Variants in CDH4 observed in about 807,000 individuals in gnomAD.
CDH4 encodes cadherin-4.
In CDH4, 33 loss-of-function variants were observed where a neutral mutation model predicts 86.0. That is an observed-to-expected ratio of 0.38 (90% CI 0.29 to 0.51). The LOEUF is 0.51. Ranked by LOEUF, CDH4 falls within the 20% of genes least tolerant of loss-of-function variation. CDH4 has a pLI of 0.86. For synonymous variants in CDH4, 555 were observed against 549.4 expected, an observed-to-expected ratio of 1.01 and a Z score of -0.14; for missense variants, 1,114 against 1,307.4, an observed-to-expected ratio of 0.85 and a Z score of 2.28.
At chr20:61,740,055 G>T (rs1437588467) in intron 2 of CDH4, among the ~76,000 whole-genome samples, 7 of 152,204 alleles carry the variant, frequency 4.6e-5, no homozygotes, top group Non-Finnish European at 1.0e-4. Flanking sequence ...GACAGGCGAA[G>T]ACTCCAAAAA....
chr20:61,659,313 C>T (rs958894956), intron 2 of CDH4, among the ~76,000 whole-genome samples: 4 of 152,128 alleles, frequency 2.6e-5, no homozygotes, highest in Non-Finnish European at 4.4e-5. Flanking sequence ...TGATCCGCTA[C>T]GGAGAGAAAC....
At chr20:61,404,137 T>C (rs1430824002) in intron 2 of CDH4, among the ~76,000 whole-genome samples, 2 of 51,692 alleles carry the variant, frequency 3.9e-5, no homozygotes, top group African/African-American at 2.8e-4. Context: ...CTGGTGCAGC[T>C]GAGCTGCTAC....
At chr20:61,630,257 T>C (rs2086873587) in intron 2 of CDH4, among the ~76,000 whole-genome samples, 1 of 152,216 alleles carries the variant, frequency 6.6e-6, no homozygotes, top group Non-Finnish European at 1.5e-5. Flanking sequence ...CTAACACTTC[T>C]GTACTGTGAC....
chr20:61,501,833 C>T lies in CDH4; in HGVS notation c.170-241730C>T, dbSNP rs908386505. On this transcript the variant is annotated intron_variant, in intron 2 of 15. Transcript: ENST00000614565. This position sits in a 1 kb window ranked among gnomAD's most constrained non-coding sequence, Gnocchi z 4.2. The stretch of plus-strand genomic sequence containing the variant: ...TCTCTCCTTTCTAGGTAAGTGATTC[C>T]GGTGCTAACGCTGGACACGTGTGTC... Among the ~76,000 whole-genome samples, 1 of 152,146 alleles carries T rather than the reference C, an allele frequency of 6.6e-6. No individual in the cohort carries two copies. Among genetic ancestry groups the T allele is most frequent in the African/African-American group, 2.4e-5 (1 of 41,434 alleles).
chr20:61,255,833 T>C (rs573040552), intron 2 of CDH4, among the ~76,000 whole-genome samples: 31 of 152,342 alleles, frequency 2.0e-4, no homozygotes, highest in African/African-American at 3.1e-4. Context: ...CTCACGCTTA[T>C]AGTGAAGTGA....
intron 2 of CDH4, among the ~76,000 whole-genome samples, chr20:61,455,647 G>A (rs1302574127): frequency 6.6e-6 from 1 of 152,210 alleles, no homozygotes; most frequent in Non-Finnish European, 1.5e-5. Context: ...CATGCAGGGT[G>A]CATTCACTGC....
chr20:61,935,196 AAGG>A (rs2055168149), intron 15 of CDH4, among the ~76,000 whole-genome samples: 1 of 152,186 alleles, frequency 6.6e-6, no homozygotes, highest in Non-Finnish European at 1.5e-5. Context: ...CTGCATTTTA[AAGG>A]AGGTTTAGCA....
intron 2 of CDH4, among the ~76,000 whole-genome samples, chr20:61,536,871 C>A (rs534226632): frequency 2.0e-5 from 3 of 152,170 alleles, no homozygotes; most frequent in Non-Finnish European, 4.4e-5. Context: ...GTGTGTTCAG[C>A]GCAGGGGCTG....
intron 2 of CDH4, among the ~76,000 whole-genome samples, chr20:61,655,602 G>A (rs1357566342): frequency 6.6e-6 from 1 of 152,238 alleles, no homozygotes; most frequent in Non-Finnish European, 1.5e-5. Context: ...GTGCCCACCG[G>A]CCAGGAAGCT....
intron 2 of CDH4, among the ~76,000 whole-genome samples, chr20:61,281,353 G>A (rs2084257893): frequency 6.6e-6 from 1 of 152,220 alleles, no homozygotes; most frequent in Admixed American, 6.5e-5. Context: ...AGGGACCCCA[G>A]AGAGGCCTGC....
At chr20:61,878,213 C>T (rs756534568) in intron 7 of CDH4, among the ~76,000 whole-genome samples, 7 of 152,218 alleles carry the variant, frequency 4.6e-5, no homozygotes, top group Non-Finnish European at 8.8e-5. Flanking sequence ...AGGACCCCTC[C>T]CACCTTCTGT....
intron 2 of CDH4, among the ~76,000 whole-genome samples, chr20:61,442,843 G>GC (rs1398384501): frequency 1.2e-4 from 18 of 152,216 alleles, no homozygotes; most frequent in African/African-American, 3.4e-4. Context: ...TCCTTTTTCT[G>GC]CAGTCCCCCG....
intron 2 of CDH4, among the ~76,000 whole-genome samples, chr20:61,728,826 G>A (rs1026495774): frequency 6.6e-6 from 1 of 152,134 alleles, no homozygotes; most frequent in Non-Finnish European, 1.5e-5. Flanking sequence ...AAAATAACTC[G>A]CACTTCTCCA....
At chr20:61,653,584 C>T (rs1425213928) in intron 2 of CDH4, among the ~76,000 whole-genome samples, 4 of 142,874 alleles carry the variant, frequency 2.8e-5, no homozygotes, top group East Asian at 4.1e-4. Context: ...ACCTCCCTCC[C>T]GGACGGGGTG....
intron 2 of CDH4, among the ~76,000 whole-genome samples, chr20:61,580,977 G>A (rs1408521311): frequency 6.6e-6 from 1 of 152,212 alleles, no homozygotes; most frequent in Admixed American, 6.5e-5. Context: ...CCTGAAGCAT[G>A]GATTCCAGAC....
At chr20:61,769,132 C>T (rs538994946) in intron 3 of CDH4, among the ~76,000 whole-genome samples, 1 of 152,328 alleles carries the variant, frequency 6.6e-6, no homozygotes, top group East Asian at 1.9e-4. Context: ...TCCAGGCTGC[C>T]TGCCCTCGTG....
rs111565164 is a variant in CDH4, at chr20:61,400,120, G to A, written c.169+145183G>A. 6.9e-3 allele frequency among the ~76,000 whole-genome samples: 1,050 copies of A among 152,320 alleles called. 9 individuals carry two copies. Among genetic ancestry groups the A allele is most frequent in the African/African-American group, 0.014 (573 of 41,572 alleles). ...GTAGAGAACAGCCATGCCCAGGCTG[G>A]CTTCAATCTGACTGTCACAGCTCTG... On this transcript the variant is annotated intron_variant, in intron 2 of 15. Transcript: ENST00000614565.
chr20:61,471,312 A>G (rs1379662625), intron 2 of CDH4, among the ~76,000 whole-genome samples: 1 of 152,064 alleles, frequency 6.6e-6, no homozygotes, highest in African/African-American at 2.4e-5. Context: ...TTATTGTCAT[A>G]CAGTTGCTCA....
intron 2 of CDH4, among the ~76,000 whole-genome samples, chr20:61,504,425 A>G (rs1346841504): frequency 6.6e-6 from 1 of 152,106 alleles, no homozygotes; most frequent in Admixed American, 6.5e-5. Flanking sequence ...ATGACCTTAG[A>G]TAGAGGTGGG....
Sources: gnomAD v4.1 joint callset for allele counts (sites outside exome capture counted in the v4.1 genomes callset) on GRCh38, gnomAD v4.1.1 for gene constraint, Gnocchi (gnomAD v3.1) non-coding constraint, MANE v1.5 for transcripts, NCBI Gene and HGNC (gene_info 2026-07-23, HGNC 2026-07-21) for gene names.